Variants in HYCC2 observed in about 807,000 individuals in gnomAD.
The protein encoded by HYCC2 is hyccin 2.
the HYCC2 span, among the ~76,000 whole-genome samples, chr2:201,033,149 A>ATGTG: frequency 4.2e-4 from 48 of 114,820 alleles, no homozygotes; most frequent in African/African-American, 1.6e-3. Flanking sequence ...AGCTATTTGT[A>ATGTG]TGTGTGTGTA....
the HYCC2 span, among the ~76,000 whole-genome samples, chr2:201,059,391 G>C: frequency 1.1e-4 from 17 of 152,284 alleles, no homozygotes; most frequent in East Asian, 2.9e-3. Context: ...AGATGGGAAT[G>C]CCTGGCCCTG....
the HYCC2 span, among the ~76,000 whole-genome samples, chr2:201,042,364 T>G: frequency 6.6e-6 from 1 of 152,070 alleles, no homozygotes; most frequent in African/African-American, 2.4e-5. Flanking sequence ...TTGCAGCCTC[T>G]GCCCGGCCGC....
At chr2:201,033,566 G>A in the HYCC2 span, among the ~76,000 whole-genome samples, 1 of 151,658 alleles carries the variant, frequency 6.6e-6, no homozygotes, top group African/African-American at 2.4e-5. Context: ...ACCACGCCCG[G>A]CTAATTTTTT....
chr2:201,010,072 C>T, the HYCC2 span, among the ~76,000 whole-genome samples: 4 of 149,610 alleles, frequency 2.7e-5, no homozygotes, highest in Non-Finnish European at 5.9e-5. Flanking sequence ...CCACTGCACT[C>T]CATCCTGGGT....
chr2:201,051,544 TA>T, the HYCC2 span, among the ~76,000 whole-genome samples: 4 of 152,130 alleles, frequency 2.6e-5, no homozygotes, highest in Non-Finnish European at 5.9e-5. Flanking sequence ...ATTGTTTCTA[TA>T]AACCAGCCAC....
the HYCC2 span, among the ~76,000 whole-genome samples, chr2:201,051,637 C>T: frequency 6.6e-6 from 1 of 152,062 alleles, no homozygotes; most frequent in African/African-American, 2.4e-5. Context: ...AAGACCTCTA[C>T]AATGAAAACA....
chr2:201,016,197 T>C, the HYCC2 span, among the ~76,000 whole-genome samples: 1 of 150,844 alleles, frequency 6.6e-6, no homozygotes, highest in Non-Finnish European at 1.5e-5. Flanking sequence ...TTACATACTT[T>C]ATAAAATACA....
chr2:201,039,902 C>T, the HYCC2 span, among the ~76,000 whole-genome samples: 2 of 152,140 alleles, frequency 1.3e-5, no homozygotes, highest in African/African-American at 4.8e-5. Flanking sequence ...AGGCTGGGCA[C>T]AGTGGCTCAC....
At chr2:201,039,203 A>C in the HYCC2 span, among the ~76,000 whole-genome samples, 1 of 152,288 alleles carries the variant, frequency 6.6e-6, no homozygotes, top group East Asian at 1.9e-4. Context: ...CATTTAGCAT[A>C]ATCTGTAATT....
chr2:201,049,476 G>A, the HYCC2 span, among the ~76,000 whole-genome samples: 10 of 150,582 alleles, frequency 6.6e-5, no homozygotes, highest in Non-Finnish European at 1.5e-4. Context: ...TCAGCCCCCC[G>A]AGTAGCTGGG....
the HYCC2 span, chr2:200,996,331 A>G: frequency 2.0e-5 from 3 of 151,848 alleles, no homozygotes; most frequent in African/African-American, 4.8e-5. Context: ...CATTTTTTCT[A>G]TGGTAGAAAT....
the HYCC2 span, among the ~76,000 whole-genome samples, chr2:200,999,103 C>A: frequency 1.3e-5 from 2 of 152,024 alleles, no homozygotes; most frequent in Non-Finnish European, 2.9e-5. Flanking sequence ...AGTTTGCCAC[C>A]AAAATACTAG....
At chr2:201,019,070 A>G in the HYCC2 span, among the ~76,000 whole-genome samples, 5 of 152,228 alleles carry the variant, frequency 3.3e-5, no homozygotes, top group African/African-American at 1.2e-4. Flanking sequence ...GGAAACTGTC[A>G]GTTGCTGGCA....
the HYCC2 span, among the ~76,000 whole-genome samples, chr2:200,999,716 A>G: frequency 1.3e-5 from 2 of 149,376 alleles, no homozygotes; most frequent in South Asian, 4.3e-4. Flanking sequence ...AACATGAGGG[A>G]AAAAAGGTTG....
At chr2:200,995,206 CAT>C in the HYCC2 span, among the ~76,000 whole-genome samples, 1 of 152,076 alleles carries the variant, frequency 6.6e-6, no homozygotes, top group African/African-American at 2.4e-5. Context: ...TTAAGAGAAA[CAT>C]ATTTTTAAGT....
chr2:201,064,830 T>C, the HYCC2 span, among the ~76,000 whole-genome samples: 1 of 152,196 alleles, frequency 6.6e-6, no homozygotes, highest in Admixed American at 6.5e-5. Flanking sequence ...TTTGAAATTA[T>C]AGACTCACAG....
the HYCC2 span, among the ~76,000 whole-genome samples, chr2:201,016,277 A>G: frequency 2.0e-5 from 3 of 152,324 alleles, no homozygotes; most frequent in Middle Eastern, 3.4e-3. Flanking sequence ...AGTTACACTT[A>G]TAGACATTTG....
chr2:201,039,623 T>C, the HYCC2 span, among the ~76,000 whole-genome samples: 2 of 152,200 alleles, frequency 1.3e-5, no homozygotes, highest in African/African-American at 4.8e-5. Context: ...TTCAAAGCTG[T>C]ATCATACAGT....
the HYCC2 span, among the ~76,000 whole-genome samples, chr2:201,024,230 C>A: frequency 3.9e-5 from 6 of 152,088 alleles, no homozygotes; most frequent in Non-Finnish European, 8.8e-5. Flanking sequence ...GTGGCTCACA[C>A]CTGAATCTCA....
Sources: allele counts gnomAD v4.1 joint callset (sites outside exome capture counted in the v4.1 genomes callset), GRCh38; gene constraint gnomAD v4.1.1; transcripts MANE v1.5; gene names NCBI Gene and HGNC (gene_info 2026-07-23, HGNC 2026-07-21).